CACNB4: variants seen among roughly 807,000 people sequenced by gnomAD.
The protein encoded by CACNB4 is voltage-dependent L-type calcium channel subunit beta-4.
CACNB4 carries 32 observed loss-of-function variants against 71.2 expected under a neutral mutation model. The observed-to-expected ratio is 0.45, with a 90% CI of 0.34 to 0.60. The LOEUF is 0.60. Ranked by LOEUF, CACNB4 falls within the 20% of genes least tolerant of loss-of-function variation. The pLI is 0.01. For missense variants in CACNB4, 464 were observed against 647.9 expected (o/e 0.72, Z 3.08); for synonymous variants, 231 against 236.9 (o/e 0.97, Z 0.23).
chr2:151,859,168 G>A (rs1189093867), intron 10 of CACNB4: 6 of 152,312 alleles, frequency 3.9e-5, no homozygotes, highest in African/African-American at 1.4e-4. Context: ...GTGGGTTTAT[G>A]ACTTTACAGA....
chr2:151,978,117 C>T (rs1359939586), intron 2 of CACNB4, among the ~76,000 whole-genome samples: 1 of 152,090 alleles, frequency 6.6e-6, no homozygotes, highest in Non-Finnish European at 1.5e-5. Context: ...GAAAACAAAA[C>T]AAACAAACAA....
intron 2 of CACNB4, among the ~76,000 whole-genome samples, chr2:151,975,385 C>T (rs1388477835): frequency 1.3e-5 from 2 of 152,238 alleles, no homozygotes; most frequent in Non-Finnish European, 2.9e-5. Flanking sequence ...CTTTCAATCA[C>T]AGTCGCACAT....
At chr2:151,946,731 G>C (rs2099865711) in intron 2 of CACNB4, among the ~76,000 whole-genome samples, 1 of 152,126 alleles carries the variant, frequency 6.6e-6, no homozygotes, top group Admixed American at 6.5e-5. Context: ...AGCAGGGCCA[G>C]CATGTCCCAT....
chr2:151,881,105 A>G (rs2099847706), intron 3 of CACNB4, among the ~76,000 whole-genome samples, 183 bp from the exon 4 acceptor site: 1 of 152,188 alleles, frequency 6.6e-6, no homozygotes, highest in South Asian at 2.1e-4. Context: ...GATTGGTCCT[A>G]TCAGCCCAAC....
At chr2:151,953,789 C>T (rs545729669) in intron 2 of CACNB4, among the ~76,000 whole-genome samples, 6 of 152,290 alleles carry the variant, frequency 3.9e-5, no homozygotes, top group Non-Finnish European at 1.5e-5. Context: ...ATCTCTAGCA[C>T]AGTGTTGGAA....
intron 4 of CACNB4, among the ~76,000 whole-genome samples, chr2:151,878,092 A>G (rs2099846898): frequency 6.6e-6 from 1 of 152,044 alleles, no homozygotes; most frequent in South Asian, 2.1e-4. Flanking sequence ...TCCTATTTTG[A>G]CCCAAAATAT....
chr2:151,955,289 A>G (rs1303039943), intron 2 of CACNB4, among the ~76,000 whole-genome samples: 1 of 152,246 alleles, frequency 6.6e-6, no homozygotes, highest in African/African-American at 2.4e-5. Context: ...CATCAATATC[A>G]TAGAGCTATA....
intron 2 of CACNB4, among the ~76,000 whole-genome samples, chr2:152,057,262 TC>T (rs1685775223): frequency 6.6e-6 from 1 of 152,096 alleles, no homozygotes; most frequent in Admixed American, 6.5e-5. Flanking sequence ...GAGAAGCAGA[TC>T]CTTCCCACAA....
intron 2 of CACNB4, among the ~76,000 whole-genome samples, chr2:152,018,985 A>T (rs1471331595): frequency 6.6e-6 from 1 of 152,018 alleles, no homozygotes; most frequent in East Asian, 1.9e-4. Context: ...GGTGAAGTCA[A>T]GGGGGAAAGG....
intron 5 of CACNB4, 116 bp downstream of exon 5, chr2:151,876,310 G>T: frequency 1.2e-6 from 1 of 811,770 alleles, no homozygotes; most frequent in Non-Finnish European, 1.8e-6. Flanking sequence ...TTCTGTGTCA[G>T]TTTCAGAAAC....
rs1010710043 is a variant in CACNB4 at position 151,856,334 on chromosome 2, C to T, written c.869-959G>A. Among the ~76,000 whole-genome samples the T allele has an allele frequency of 1.4e-4, 21 of 152,184 alleles. No homozygotes were observed. In the East Asian group the frequency reaches 3.9e-3, roughly 28 times the overall value. ...TGTTTTCGTTTTTGAGACACAGTTT[C>T]ACTCTGTTGCCTAGGCTGGAGTGCA... On this transcript the variant is annotated intron_variant, in intron 10 of 13. Transcript: ENST00000539935.
chr2:151,853,383 GA>G (rs1172150872), intron 12 of CACNB4, 64 bp downstream of exon 12: 34 of 865,252 alleles, frequency 3.9e-5, no homozygotes, highest in Middle Eastern at 2.2e-4. Context: ...ACAATATGAA[GA>G]AAAAAAAACC....
intron 2 of CACNB4, among the ~76,000 whole-genome samples, chr2:151,995,601 C>T (rs939191591): frequency 6.6e-6 from 1 of 152,124 alleles, no homozygotes; most frequent in Non-Finnish European, 1.5e-5. Context: ...CCCAGCTACT[C>T]GGGAGGCTGA....
At chr2:151,935,925 A>G (rs1166833244) in intron 2 of CACNB4, among the ~76,000 whole-genome samples, 2 of 152,254 alleles carry the variant, frequency 1.3e-5, no homozygotes, top group African/African-American at 4.8e-5. Flanking sequence ...TCCTTTTGTT[A>G]TAATTTTCCT....
intron 2 of CACNB4, among the ~76,000 whole-genome samples, chr2:151,926,129 A>G (rs1035458544): frequency 6.6e-6 from 1 of 152,184 alleles, no homozygotes; most frequent in Admixed American, 6.5e-5. Flanking sequence ...AAATGAAAGA[A>G]TGTATATAGG....
chr2:151,890,677 T>C (rs2099850520), intron 2 of CACNB4, among the ~76,000 whole-genome samples: 1 of 152,230 alleles, frequency 6.6e-6, no homozygotes, highest in Non-Finnish European at 1.5e-5. Context: ...ATTTTGTTAA[T>C]ATTAATCAAA....
chr2:151,876,734 G>GACTATATTTTATGTAA (rs2099846382), intron 4 of CACNB4, among the ~76,000 whole-genome samples, 178 bp from the exon 5 acceptor site: 1 of 67,756 alleles, frequency 1.5e-5, no homozygotes, highest in East Asian at 2.4e-4. Flanking sequence ...CTATACTATA[G>GACTATATTTTATGTAA]ACTATATTTT....
At chr2:151,876,650 TATATG>T (rs1401512985) in intron 4 of CACNB4, 94 bp from the exon 5 acceptor site, 11 of 756,348 alleles carry the variant, frequency 1.5e-5, no homozygotes, top group Middle Eastern at 2.5e-4. Context: ...AAATGCTATT[TATATG>T]ATATGATATG....
Position 152,039,606 on chromosome 2 carries a change from A to G in CACNB4, c.147+58724T>C, listed in dbSNP as rs113008548. Among the ~76,000 whole-genome samples, 677 of 152,288 alleles carry G rather than the reference A, an allele frequency of 4.4e-3. 4 individuals carry two copies. Among genetic ancestry groups the G allele is most frequent in the African/African-American group, 0.016 (648 of 41,560 alleles). ...CAACTACATTATTTGTTCTATGAGG[A>G]TAAGAGCCTTGTTATATGCTCTATG... On this transcript the variant is annotated intron_variant, in intron 2 of 13. Coordinates refer to ENST00000539935, the MANE Select transcript of CACNB4 (RefSeq NM_000726.5).
Sources: allele counts gnomAD v4.1 joint callset (sites outside exome capture counted in the v4.1 genomes callset), GRCh38; gene constraint gnomAD v4.1.1; transcripts MANE v1.5; gene names NCBI Gene and HGNC (gene_info 2026-07-23, HGNC 2026-07-21).